Variants in ARHGAP18 observed in about 807,000 individuals in gnomAD.
The protein encoded by ARHGAP18 is Rho GTPase activating protein 18.
A neutral mutation model predicts 86.2 loss-of-function variants in ARHGAP18; 67 were observed. That is an observed-to-expected ratio of 0.78 (90% CI 0.64 to 0.95). ARHGAP18 has a LOEUF of 0.95. ARHGAP18 is among the 40% of genes least tolerant of loss of function. The pLI is 0.00. For missense variants in ARHGAP18, 691 were observed against 780.4 expected (o/e 0.89, Z 1.37); for synonymous variants, 283 against 280.4 (o/e 1.01, Z -0.09).
intron 5 of ARHGAP18, among the ~76,000 whole-genome samples, chr6:129,624,583 T>A (rs906388790): frequency 1.3e-5 from 2 of 151,844 alleles, no homozygotes; most frequent in African/African-American, 4.8e-5. Flanking sequence ...GCAGAGTGGA[T>A]CATCATTTTA....
In ARHGAP18 at chr6:129,668,085, A is replaced by T. The variant is rs564898564; in HGVS notation, c.114-26067T>A. 5.9e-5 allele frequency among the ~76,000 whole-genome samples: 9 copies of T among 152,318 alleles called. No homozygotes were observed. In the South Asian group the frequency reaches 1.9e-3, roughly 32 times the overall value. The stretch of plus-strand genomic sequence containing the variant: ...TCTGCAACTTCAAGATACCATAGAT[A>T]TGTAAAGTTCCCTAGTCAGCTACCT... On this transcript the variant is annotated intron_variant, in intron 1 of 14. Coordinates refer to ENST00000368149, the MANE Select transcript of ARHGAP18 (RefSeq NM_033515.3).
At chr6:129,695,073 A>G (rs1774590381) in intron 1 of ARHGAP18, among the ~76,000 whole-genome samples, 1 of 152,192 alleles carries the variant, frequency 6.6e-6, no homozygotes, top group Admixed American at 6.5e-5. Context: ...AGCGACAGCC[A>G]TGTTTGGGAA....
rs757382886 is a variant in ARHGAP18, at chr6:129,618,681, G to A, written c.952+6C>T. 1 of 1,597,486 alleles carries A rather than the reference G, an allele frequency of 6.3e-7. No homozygotes were observed. The highest frequency in any genetic ancestry group is 8.5e-7 in the Non-Finnish European group (1 of 1,170,836). ...TAAATCCAAGGGTTTATCATTTCAT[G>A]ATTACCTTTTGTTTTGATTTTCACA... is the stretch of plus-strand genomic sequence containing the variant. On this transcript the variant is annotated splice_donor_region_variant and intron_variant, in intron 6 of 14. Coordinates refer to ENST00000368149, the MANE Select transcript of ARHGAP18 (RefSeq NM_033515.3).
At chr6:129,668,389 CACACACACACAG>C (rs1015983175) in intron 1 of ARHGAP18, among the ~76,000 whole-genome samples, 66 of 151,114 alleles carry the variant, frequency 4.4e-4, no homozygotes, top group Middle Eastern at 3.4e-3. Flanking sequence ...CACACACACA[CACACACACACAG>C]ACACACACAC....
intron 4 of ARHGAP18, among the ~76,000 whole-genome samples, chr6:129,632,712 AAAGC>A (rs995523489): frequency 1.1e-4 from 17 of 152,190 alleles, no homozygotes; most frequent in Admixed American, 6.5e-4. Flanking sequence ...AGAATAATAA[AAAGC>A]AAGTATTTTT....
At chr6:129,659,442 T>C (rs536446072) in intron 1 of ARHGAP18, among the ~76,000 whole-genome samples, 18 of 150,986 alleles carry the variant, frequency 1.2e-4, no homozygotes, top group African/African-American at 4.1e-4. Flanking sequence ...TCAGACAAGA[T>C]AGGCCTAGAA....
intron 1 of ARHGAP18, among the ~76,000 whole-genome samples, chr6:129,694,406 C>T (rs1774579140): frequency 6.6e-6 from 1 of 152,134 alleles, no homozygotes; most frequent in South Asian, 2.1e-4. Context: ...GAATGGGTTG[C>T]TATGAGGATT....
chr6:129,639,251 A>G (rs1773397035), intron 2 of ARHGAP18, among the ~76,000 whole-genome samples: 1 of 152,238 alleles, frequency 6.6e-6, no homozygotes, highest in South Asian at 2.1e-4. Flanking sequence ...ATAATCAAAC[A>G]ACAATCAATT....
At chr6:129,680,796 G>A (rs1774310777) in intron 1 of ARHGAP18, among the ~76,000 whole-genome samples, 1 of 152,228 alleles carries the variant, frequency 6.6e-6, no homozygotes, top group Non-Finnish European at 1.5e-5. Context: ...TGGCTAGAGA[G>A]CCTAAAAGCC....
chr6:129,694,585 C>T (rs1277007890), intron 1 of ARHGAP18, among the ~76,000 whole-genome samples: 2 of 152,084 alleles, frequency 1.3e-5, no homozygotes, highest in East Asian at 3.8e-4. Context: ...ACTCCCATGT[C>T]GAATAAAGAA....
chr6:129,701,118 G>A (rs913106154), intron 1 of ARHGAP18, among the ~76,000 whole-genome samples: 4 of 152,158 alleles, frequency 2.6e-5, no homozygotes, highest in Non-Finnish European at 4.4e-5. Flanking sequence ...CTGGTTAAGT[G>A]AAATGAAGTG....
intron 1 of ARHGAP18, among the ~76,000 whole-genome samples, chr6:129,673,240 G>A (rs1226532092): frequency 6.6e-6 from 1 of 151,774 alleles, no homozygotes; most frequent in African/African-American, 2.4e-5. Flanking sequence ...CATACTACAT[G>A]GAAATTAATA....
intron 5 of ARHGAP18, among the ~76,000 whole-genome samples, chr6:129,625,052 GATTGA>G (rs1789324502): frequency 1.5e-5 from 1 of 65,542 alleles, no homozygotes; most frequent in Non-Finnish European, 2.9e-5. Flanking sequence ...TAATATATAT[GATTGA>G]TATATATTTA....
chr6:129,600,088 T>C (rs1447378988), intron 11 of ARHGAP18, among the ~76,000 whole-genome samples: 1 of 152,142 alleles, frequency 6.6e-6, no homozygotes, highest in Non-Finnish European at 1.5e-5. Context: ...AAATAAGAGA[T>C]TGAAATATTC....
At chr6:129,602,374 C>A (rs1788764411) in intron 10 of ARHGAP18, among the ~76,000 whole-genome samples, 1 of 151,988 alleles carries the variant, frequency 6.6e-6, no homozygotes, top group Non-Finnish European at 1.5e-5. Flanking sequence ...TTTCTAAATT[C>A]TTAACTATTA....
At chr6:129,663,560 C>T (rs1442293254) in intron 1 of ARHGAP18, among the ~76,000 whole-genome samples, 2 of 152,110 alleles carry the variant, frequency 1.3e-5, no homozygotes, top group African/African-American at 2.4e-5. Context: ...CTGCACCAAA[C>T]ATCTAAAAAG....
At chr6:129,588,735 C>T (rs1012870616) in intron 12 of ARHGAP18, among the ~76,000 whole-genome samples, 13 of 152,222 alleles carry the variant, frequency 8.5e-5, no homozygotes, top group African/African-American at 2.9e-4. Context: ...TTCTGCACTG[C>T]CTTAGCAGCA....
intron 11 of ARHGAP18, among the ~76,000 whole-genome samples, chr6:129,599,776 T>C (rs1012225751): frequency 2.6e-5 from 4 of 152,156 alleles, no homozygotes; most frequent in African/African-American, 9.6e-5. Flanking sequence ...GCTGCTGTCA[T>C]GAGAGAAAGA....
At chr6:129,599,421 A>G (rs1020104630) in intron 11 of ARHGAP18, 65 bp from the exon 12 acceptor site, 1 of 1,308,150 alleles carries the variant, frequency 7.6e-7, no homozygotes, top group African/African-American at 1.5e-5. Context: ...ACTACAAAAA[A>G]AAATTATATT....
Sources: allele counts gnomAD v4.1 joint callset (sites outside exome capture counted in the v4.1 genomes callset), GRCh38; gene constraint gnomAD v4.1.1; transcripts MANE v1.5; gene names NCBI Gene and HGNC (gene_info 2026-07-23, HGNC 2026-07-21).